The following WFS1 variants were observed in gnomAD, a reference collection of about 807,000 sequenced individuals.
The protein encoded by WFS1 is wolframin ER transmembrane glycoprotein.
In WFS1, 90 loss-of-function variants were observed where a neutral mutation model predicts 68.5. The observed-to-expected ratio is 1.31, with a 90% CI of 1.11 to 1.56. WFS1 has a LOEUF of 1.56. WFS1 is among the 40% of genes most tolerant of loss of function. The pLI is 0.00. For synonymous variants in WFS1, 860 were observed against 540.7 expected, an observed-to-expected ratio of 1.59 and a Z score of -8.19; for missense variants, 1,767 against 1,232.6, an observed-to-expected ratio of 1.43 and a Z score of -6.49.
rs1265822954 is a variant in WFS1 at position 6,287,067 on chromosome 4, G to T, written c.233-26G>T. ...GTGACAAAGTCTGGCTTTGTGACAT[G>T]TGTGTTTGTTTCTTCTGTGTTAAAG... On this transcript the variant is annotated intron_variant, in intron 2 of 7. Coordinates refer to ENST00000226760, the MANE Select transcript of WFS1 (RefSeq NM_006005.3). The surrounding 1 kb of genome is among the most constrained non-coding windows in gnomAD (Gnocchi z 6.4). 3.2e-6 allele frequency: 5 copies of T among 1,548,812 alleles called. No individual in the cohort carries two copies. The highest frequency in any genetic ancestry group is 4.4e-6 in the Non-Finnish European group (5 of 1,143,620).
intron 7 of WFS1, among the ~76,000 whole-genome samples, chr4:6,298,200 C>G (rs1017342987): frequency 3.3e-5 from 5 of 152,232 alleles, no homozygotes; most frequent in African/African-American, 1.2e-4. Context: ...CGGGGATTAA[C>G]TGAGCAGCCT....
At chr4:6,292,031 C>A in intron 6 of WFS1, 34 bp downstream of exon 6, 1 of 1,571,704 alleles carries the variant, frequency 6.4e-7, no homozygotes, top group Non-Finnish European at 8.6e-7. Context: ...TCACCCATGC[C>A]TCCCAGCCTG....
rs1805070 is a variant in WFS1, at chr4:6,301,953, A to G, written c.2158A>G (p.Ile720Val). ...TDIDNSAESA[I>V]NMLPFFIGDW... ...CATCGACAACAGCGCCGAGTCTGCC[A>G]TCAACATGCTCCCGTTCTTCATCGG... Residue 720 changes from isoleucine (I) to valine (V), a missense_variant, in exon 8 of 8, where the codon ATC (isoleucine) becomes GTC (valine). Ile to Val is a conservative substitution (Grantham distance 29, BLOSUM62 3). Transcript: ENST00000226760. The G allele has an allele frequency of 3.7e-3, 5,934 of 1,612,836 alleles. 149 individuals carry two copies. The East Asian group carries it at 0.069, about 19-fold the overall frequency.
At chr4:6,299,423 TGTGTAGGTGCACAC>T (rs1730760939) in intron 7 of WFS1, among the ~76,000 whole-genome samples, 1 of 150,758 alleles carries the variant, frequency 6.6e-6, no homozygotes, top group South Asian at 2.1e-4. Flanking sequence ...CTGGTGTGTA[TGTGTAGGTGCACAC>T]GTGTAGGGGT....
intron 4 of WFS1, among the ~76,000 whole-genome samples, chr4:6,289,803 C>G (rs1578595713): frequency 6.6e-6 from 1 of 152,006 alleles, no homozygotes; most frequent in Admixed American, 6.6e-5. Context: ...CTAATGATAC[C>G]TTTTTTTTCA....
intron 5 of WFS1, 134 bp from the exon 6 acceptor site, chr4:6,291,783 C>G: frequency 1.1e-6 from 1 of 939,566 alleles, no homozygotes; most frequent in Non-Finnish European, 1.7e-6. Flanking sequence ...GCCCTGGGGG[C>G]CCTATGATCC....
intron 2 of WFS1, among the ~76,000 whole-genome samples, chr4:6,281,060 C>T (rs1296410552): frequency 1.3e-5 from 2 of 152,150 alleles, no homozygotes; most frequent in Non-Finnish European, 2.9e-5. Flanking sequence ...CCAGCCCACA[C>T]GACTGCTGAA....
At chr4:6,276,482 C>T (rs770422696) in intron 1 of WFS1, among the ~76,000 whole-genome samples, 1 of 152,174 alleles carries the variant, frequency 6.6e-6, no homozygotes, top group Non-Finnish European at 1.5e-5. Context: ...GCTTTTTACT[C>T]TCTGTGTTGG....
At chr4:6,300,431 AG>A (rs915442109) in intron 7 of WFS1, among the ~76,000 whole-genome samples, 1 of 149,800 alleles carries the variant, frequency 6.7e-6, no homozygotes, top group Non-Finnish European at 1.5e-5. Flanking sequence ...CACGGGGCAG[AG>A]GGGGGCTCCA....
At chr4:6,286,815 C>T (rs1730322471) in intron 2 of WFS1, among the ~76,000 whole-genome samples, 1 of 152,218 alleles carries the variant, frequency 6.6e-6, no homozygotes, top group African/African-American at 2.4e-5. Flanking sequence ...TCGCCTCCTT[C>T]CCATGCCTCC....
At position 6,302,484 on chromosome 4, in the gene WFS1, A is replaced by AGGAG; in HGVS notation, c.*17_*20dup. 6.2e-7 allele frequency: 1 copy of AGGAG among 1,611,890 alleles called. No individual in the cohort carries two copies. Among genetic ancestry groups the AGGAG allele is most frequent in the African/African-American group, 1.3e-5 (1 of 75,068 alleles). On this transcript the variant is annotated 3_prime_UTR_variant, in exon 8 of 8. Coordinates refer to ENST00000226760, the MANE Select transcript of WFS1 (RefSeq NM_006005.3). ...GGCGGCCTGAGGATGGTCCGCCACG[A>AGGAG]GGAGCTTCCAGTGCATGTTGCCATG... is the stretch of plus-strand genomic sequence containing the variant.
chr4:6,301,790 C>A lies in WFS1; in HGVS notation c.1995C>A (p.Thr665=). Residue 665 remains threonine, a synonymous_variant, in exon 8 of 8, where the codon ACC becomes ACA. Coordinates refer to ENST00000226760, the MANE Select transcript of WFS1 (RefSeq NM_006005.3). ...TGAAGGTCTACAACTCCACACTGAC[C>A]TGGCAGCAGTATGGTGCGCTGTGCG... ...EGMKVYNSTL[T]WQQYGALCGP... is the part of the protein sequence containing the mutation. 1 of 1,613,452 alleles carries A rather than the reference C, an allele frequency of 6.2e-7. No individual in the cohort carries two copies. The highest frequency in any genetic ancestry group is 8.5e-7 in the Non-Finnish European group (1 of 1,180,032).
chr4:6,289,240 T>C, intron 4 of WFS1, 109 bp downstream of exon 4: 2 of 1,412,620 alleles, frequency 1.4e-6, no homozygotes, highest in Non-Finnish European at 1.9e-6. Context: ...GGTGATGCTG[T>C]TGGGAAATTT....
intron 1 of WFS1, among the ~76,000 whole-genome samples, chr4:6,274,603 G>C (rs1207380091): frequency 1.3e-5 from 2 of 152,154 alleles, no homozygotes; most frequent in Non-Finnish European, 2.9e-5. Context: ...AGGTGAGGAA[G>C]ACAGGGACTC....
rs752202278 is a variant in WFS1, at chr4:6,299,523, A to ATG, written c.862-1130_862-1129dup. 1.2e-3 allele frequency among the ~76,000 whole-genome samples: 122 copies of ATG among 101,124 alleles called. 1 individual carries two copies. The highest frequency in any genetic ancestry group is 8.1e-3 in the Middle Eastern group (1 of 124). The allele number at this position is 101,124 out of a possible 152,430, so 66.3% of individuals were successfully genotyped here. A position where few individuals can be genotyped will look rare whatever the true frequency, so the allele number is the denominator to read the frequency against. On this transcript the variant is annotated intron_variant, in intron 7 of 7. Coordinates refer to ENST00000226760, the MANE Select transcript of WFS1 (RefSeq NM_006005.3). ...GTAGGGGTGGGTTGCGTGTGTGTGA[A>ATG]TGTGTATAGGGGTGGGTTGTGTGAA...
intron 3 of WFS1, among the ~76,000 whole-genome samples, chr4:6,288,048 C>G (rs539084218): frequency 6.6e-6 from 1 of 152,102 alleles, no homozygotes. Flanking sequence ...GAAACCGTGT[C>G]TCCACTACAA....
intron 1 of WFS1, 47 bp downstream of exon 1, chr4:6,270,061 G>GCGGTGGCTGTGGGCAGCC (rs1729756048): frequency 6.6e-6 from 1 of 152,364 alleles, no homozygotes; most frequent in Non-Finnish European, 1.5e-5. Flanking sequence ...TGTGGGCAGC[G>GCGGTGGCTGTGGGCAGCC]CGCAGGAGGC....
chr4:6,295,175 C>T lies in WFS1; in HGVS notation c.847C>T (p.Pro283Ser). 6.2e-7 allele frequency: 1 copy of T among 1,611,922 alleles called. No individual in the cohort carries two copies. The highest frequency in any genetic ancestry group is 8.5e-7 in the Non-Finnish European group (1 of 1,180,034). ...ELAGKSPEDL[P>S]LRLKVVKYPL... Reference sequence around the variant, plus strand: ...GGCGGGGAAGAGCCCTGAGGACCTGCCACTGCGTCTGAAGGTGAGTGACCA... The same window carrying T: ...GGCGGGGAAGAGCCCTGAGGACCTGTCACTGCGTCTGAAGGTGAGTGACCA... Residue 283 changes from proline to serine, a missense_variant, in exon 7 of 8, where the codon CCA becomes TCA. Transcript: ENST00000226760.
In WFS1 at chr4:6,302,686, G is replaced by A. The variant is rs763492953; in HGVS notation, c.*218G>A. 5.9e-6 allele frequency: 4 copies of A among 674,402 alleles called. No homozygotes were observed. The highest frequency in any genetic ancestry group is 1.8e-5 in the African/African-American group (1 of 55,468). 41.8% of individuals were successfully genotyped at this position (674,402 alleles called of 1,614,324 possible). A position where few individuals can be genotyped will look rare whatever the true frequency, so the allele number is the denominator to read the frequency against. On this transcript the variant is annotated 3_prime_UTR_variant, in exon 8 of 8. Coordinates refer to ENST00000226760, the MANE Select transcript of WFS1 (RefSeq NM_006005.3). Reference sequence around the variant, plus strand: ...CTGAATACCAAGTGTGTTGGGAATTGCATGCCATCTCCACCCTGAGCCTGA... The same window carrying A: ...CTGAATACCAAGTGTGTTGGGAATTACATGCCATCTCCACCCTGAGCCTGA...
Sources: gnomAD v4.1 joint callset for allele counts (sites outside exome capture counted in the v4.1 genomes callset) on GRCh38, gnomAD v4.1.1 for gene constraint, Gnocchi (gnomAD v3.1) non-coding constraint, MANE v1.5 for transcripts, NCBI Gene and HGNC (gene_info 2026-07-23, HGNC 2026-07-21) for gene names.